The following GAREM1 variants were observed in gnomAD, a reference collection of about 807,000 sequenced individuals.
The protein encoded by GAREM1 is GRB2-associated and regulator of MAPK protein 1.
GAREM1 carries 26 observed loss-of-function variants against 71.3 expected under a neutral mutation model. That is an observed-to-expected ratio of 0.36 (90% CI 0.27 to 0.51). The LOEUF is 0.51. Among genes scored for constraint, GAREM1 ranks in the 20% least tolerant of loss-of-function variants. The pLI is 0.95. For missense variants in GAREM1, 1,026 were observed against 1,103.1 expected, an observed-to-expected ratio of 0.93 and a Z score of 0.99; for synonymous variants, 440 against 433.2, an observed-to-expected ratio of 1.02 and a Z score of -0.20.
At chr18:32,432,160 A>G (rs943887476) in intron 1 of GAREM1, among the ~76,000 whole-genome samples, 1 of 152,210 alleles carries the variant, frequency 6.6e-6, no homozygotes, top group Non-Finnish European at 1.5e-5. Flanking sequence ...GGTAAATACC[A>G]CAGACTATTC....
intron 1 of GAREM1, among the ~76,000 whole-genome samples, chr18:32,457,917 CTTCTT>C (rs1432311129): frequency 6.6e-6 from 1 of 152,080 alleles, no homozygotes; most frequent in African/African-American, 2.4e-5. Context: ...TTTAATTTCT[CTTCTT>C]AGTCATTACA....
At position 32,470,242 on chromosome 18, in the gene GAREM1, C is replaced by A. The variant is rs1177596122; in HGVS notation, c.121+66G>T. ...CGCGGGTCCCACCCTCTCCAGCACA[C>A]GCGCGCACACCCGCGTGGAGACGGC... On this transcript the variant is annotated intron_variant, in intron 1 of 5. Transcript: ENST00000269209. This position sits in a 1 kb window ranked among gnomAD's most constrained non-coding sequence, Gnocchi z 4.4. 3.2e-5 allele frequency: 44 copies of A among 1,376,050 alleles called. No homozygotes were observed. The highest frequency in any genetic ancestry group is 4.1e-5 in the Non-Finnish European group (43 of 1,053,992). 85.2% of individuals were successfully genotyped at this position (1,376,050 alleles called of 1,614,324 possible). A position where few individuals can be genotyped will look rare whatever the true frequency, so the allele number is the denominator to read the frequency against.
At chr18:32,378,057 T>TGTGTGTGTGTGTGTGCGC (rs1293817110) in intron 2 of GAREM1, among the ~76,000 whole-genome samples, 10 of 127,522 alleles carry the variant, frequency 7.8e-5, no homozygotes, top group African/African-American at 3.0e-4. Context: ...TGTGTGTGTG[T>TGTGTGTGTGTGTGTGCGC]GCGCGCGGGC....
Position 32,264,822 on chromosome 18 carries a change from A to G in GAREM1, c.*3049T>C, listed in dbSNP as rs2041351081. 6.6e-6 allele frequency: 1 copy of G among 152,138 alleles called. No homozygotes were observed. 9.4% of individuals were successfully genotyped at this position (152,138 alleles called of 1,614,324 possible). A position where few individuals can be genotyped will look rare whatever the true frequency, so the allele number is the denominator to read the frequency against. On this transcript the variant is annotated 3_prime_UTR_variant, in exon 6 of 6. Transcript: ENST00000269209. ...ACATTTTAGTTGCTTGGCTTGGTTT[A>G]TTGCTGATTTTCTTTTCTGATGGGG...
In GAREM1 at chr18:32,358,659, C is replaced by T. The variant is rs570083553; in HGVS notation, c.262+34236G>A. On this transcript the variant is annotated intron_variant, in intron 2 of 5. Transcript: ENST00000269209. ...TAGAAGCCACCGTAACAACTTTCTACGGTATCATGCAATACATGACTTCCA... is the reference window on the plus strand; with the variant it reads ...TAGAAGCCACCGTAACAACTTTCTATGGTATCATGCAATACATGACTTCCA... Among the ~76,000 whole-genome samples, 12 of 152,282 alleles carry T rather than the reference C, an allele frequency of 7.9e-5. No homozygotes were observed. In the South Asian group the frequency reaches 1.9e-3, roughly 24 times the overall value.
intron 1 of GAREM1, among the ~76,000 whole-genome samples, chr18:32,444,339 C>A (rs2048767618): frequency 6.6e-6 from 1 of 152,112 alleles, no homozygotes; most frequent in African/African-American, 2.4e-5. Context: ...ATAGCATGGG[C>A]TCAGAGTTAA....
At chr18:32,444,884 C>A (rs1194643312) in intron 1 of GAREM1, among the ~76,000 whole-genome samples, 2 of 152,140 alleles carry the variant, frequency 1.3e-5, no homozygotes, top group Non-Finnish European at 2.9e-5. Flanking sequence ...TTGAGAGATA[C>A]AGGAAAATAA....
chr18:32,404,708 G>A (rs1332503429), intron 1 of GAREM1, among the ~76,000 whole-genome samples: 1 of 152,070 alleles, frequency 6.6e-6, no homozygotes, highest in African/African-American at 2.4e-5. Flanking sequence ...AATCTTATAT[G>A]ACAGATTTAT....
At chr18:32,313,638 A>T (rs2047347219) in intron 2 of GAREM1, among the ~76,000 whole-genome samples, 1 of 152,202 alleles carries the variant, frequency 6.6e-6, no homozygotes, top group Admixed American at 6.5e-5. Context: ...TAGGTAACTG[A>T]CAACGATGGG....
At chr18:32,288,514 C>G (rs2144470620) in intron 3 of GAREM1, among the ~76,000 whole-genome samples, 2 of 151,820 alleles carry the variant, frequency 1.3e-5, no homozygotes, top group Middle Eastern at 3.4e-3. Flanking sequence ...TTCATGAATG[C>G]TGATGTAGAA....
chr18:32,270,507 G>T, intron 4 of GAREM1, 124 bp from the exon 5 acceptor site: 1 of 752,784 alleles, frequency 1.3e-6, no homozygotes, highest in Non-Finnish European at 2.1e-6. Flanking sequence ...AAGCATGGCA[G>T]AGAGAAGATT....
At chr18:32,302,350 T>C (rs1019122337) in intron 3 of GAREM1, among the ~76,000 whole-genome samples, 20 of 152,226 alleles carry the variant, frequency 1.3e-4, no homozygotes, top group African/African-American at 3.9e-4. Flanking sequence ...TCAAAGTCTA[T>C]AAACTTCCTA....
At chr18:32,376,129 G>A (rs2048028596) in intron 2 of GAREM1, among the ~76,000 whole-genome samples, 1 of 152,140 alleles carries the variant, frequency 6.6e-6, no homozygotes. Flanking sequence ...TCCATGTAAA[G>A]GTAAGAGAAA....
chr18:32,307,303 T>G (rs1387284409), intron 3 of GAREM1, among the ~76,000 whole-genome samples: 1 of 152,226 alleles, frequency 6.6e-6, no homozygotes, highest in African/African-American at 2.4e-5. Context: ...CCTTTTGGTT[T>G]AATTTACGCT....
chr18:32,435,780 G>A (rs2048670576), intron 1 of GAREM1, among the ~76,000 whole-genome samples: 1 of 152,192 alleles, frequency 6.6e-6, no homozygotes, highest in South Asian at 2.1e-4. Context: ...ATGGAATCTG[G>A]GAGGGGTGAA....
At chr18:32,367,034 T>C (rs1254020889) in intron 2 of GAREM1, among the ~76,000 whole-genome samples, 1 of 152,186 alleles carries the variant, frequency 6.6e-6, no homozygotes, top group African/African-American at 2.4e-5. Context: ...GTCTTTAATA[T>C]TTAACCTTAT....
intron 2 of GAREM1, among the ~76,000 whole-genome samples, chr18:32,359,388 C>G (rs1373822893): frequency 6.6e-6 from 1 of 152,126 alleles, no homozygotes. Flanking sequence ...ACTCACACTC[C>G]ACATTCTCCC....
chr18:32,420,685 C>T (rs758702307), intron 1 of GAREM1, among the ~76,000 whole-genome samples: 47 of 150,714 alleles, frequency 3.1e-4, no homozygotes, highest in Non-Finnish European at 5.2e-4. Context: ...CCAAGGCAGG[C>T]GGACAGCTTG....
intron 1 of GAREM1, among the ~76,000 whole-genome samples, chr18:32,407,883 A>G (rs1260803524): frequency 2.6e-5 from 4 of 152,158 alleles, no homozygotes; most frequent in South Asian, 2.1e-4. Flanking sequence ...GACGCACAGG[A>G]GCATTTAAAT....
Sources: gnomAD v4.1 joint callset for allele counts (sites outside exome capture counted in the v4.1 genomes callset) on GRCh38, gnomAD v4.1.1 for gene constraint, Gnocchi (gnomAD v3.1) non-coding constraint, MANE v1.5 for transcripts, NCBI Gene and HGNC (gene_info 2026-07-23, HGNC 2026-07-21) for gene names.